The following GRIA1 variants were observed in gnomAD, a reference collection of about 807,000 sequenced individuals.
The protein encoded by GRIA1 is glutamate ionotropic receptor AMPA type subunit 1, also known as glutamate receptor 1.
GRIA1 carries 31 observed loss-of-function variants against 99.2 expected under a neutral mutation model. The ratio of observed to expected loss-of-function variants is 0.31; its 90% CI spans 0.23 to 0.42. The LOEUF (loss-of-function observed/expected upper bound fraction) is 0.42. GRIA1 is among the 10% of genes least tolerant of loss of function. The probability of loss-of-function intolerance (pLI) is 1.00; values close to 1 mark genes in which losing one functional copy is unlikely to be tolerated. For missense variants in GRIA1, 782 were observed against 1,157.5 expected (o/e 0.68, Z 4.71); for synonymous variants, 438 against 432.4 (o/e 1.01, Z -0.16).
At chr5:153,809,144 A>G (rs1356668791) in intron 15 of GRIA1, among the ~76,000 whole-genome samples, 1 of 152,248 alleles carries the variant, frequency 6.6e-6, no homozygotes, top group Non-Finnish European at 1.5e-5. Context: ...TAATCTATAG[A>G]AGTTTCCATA....
chr5:153,646,881 C>A (rs1405677393), intron 2 of GRIA1, 47 bp from the exon 3 acceptor site: 1 of 1,600,488 alleles, frequency 6.2e-7, no homozygotes, highest in South Asian at 1.1e-5. Context: ...AGTCATCTGA[C>A]CACTTTTTGC....
At chr5:153,614,548 G>T (rs1325848452) in intron 2 of GRIA1, among the ~76,000 whole-genome samples, 1 of 152,200 alleles carries the variant, frequency 6.6e-6, no homozygotes, top group Non-Finnish European at 1.5e-5. Flanking sequence ...TGGCTGGAAA[G>T]TGGCAGAGTT....
intron 2 of GRIA1, among the ~76,000 whole-genome samples, chr5:153,636,268 A>T (rs946997995): frequency 5.3e-5 from 8 of 152,268 alleles, no homozygotes; most frequent in Non-Finnish European, 1.2e-4. Context: ...ACAGAAAATG[A>T]ATGTAGGAGA....
rs554574804 is a variant in GRIA1, at chr5:153,645,303, C to T, written c.221-1625C>T. 2.6e-5 allele frequency among the ~76,000 whole-genome samples: 4 copies of T among 152,170 alleles called. No homozygotes were observed. In the East Asian group the frequency reaches 7.8e-4, roughly 30 times the overall value. ...ATGCTGGTTTTCAGTGGGAGTAGGACAGATGGGTTATATGGTTCAGCTGCA... is the reference window on the plus strand; with the variant it reads ...ATGCTGGTTTTCAGTGGGAGTAGGATAGATGGGTTATATGGTTCAGCTGCA... On this transcript the variant is annotated intron_variant, in intron 2 of 15. Transcript: ENST00000285900.
intron 2 of GRIA1, chr5:153,525,417 A>G: frequency 6.6e-6 from 1 of 152,068 alleles, no homozygotes; most frequent in East Asian, 1.9e-4. Context: ...ACCTCATTCT[A>G]TTTTTTGTAC....
chr5:153,802,321 C>T (rs938002364), intron 14 of GRIA1, 35 bp from the exon 15 acceptor site: 2 of 1,607,188 alleles, frequency 1.2e-6, no homozygotes, highest in African/African-American at 1.3e-5. Context: ...CTTTATTCTT[C>T]CCCCTCCCCT....
At chr5:153,675,569 G>A (rs1176739285) in intron 6 of GRIA1, among the ~76,000 whole-genome samples, 1 of 152,202 alleles carries the variant, frequency 6.6e-6, no homozygotes, top group Non-Finnish European at 1.5e-5. Context: ...GGCCAAGTTT[G>A]TTTATCTGGA....
intron 2 of GRIA1, among the ~76,000 whole-genome samples, chr5:153,645,710 T>C (rs1285571156): frequency 6.6e-6 from 1 of 152,150 alleles, no homozygotes; most frequent in African/African-American, 2.4e-5. Flanking sequence ...ATACTGTAAT[T>C]TGAGATCCCA....
At chr5:153,722,936 T>C (rs1402364000) in intron 11 of GRIA1, among the ~76,000 whole-genome samples, 2 of 152,158 alleles carry the variant, frequency 1.3e-5, no homozygotes, top group Non-Finnish European at 2.9e-5. Context: ...TTCTGAACAG[T>C]TTCACACCTA....
chr5:153,720,310 A>G (rs1050232181), intron 11 of GRIA1, among the ~76,000 whole-genome samples: 1 of 152,226 alleles, frequency 6.6e-6, no homozygotes, highest in African/African-American at 2.4e-5. Flanking sequence ...AACACCTTTC[A>G]GGTTATGTAG....
chr5:153,505,049 G>A (rs755320942), intron 2 of GRIA1, among the ~76,000 whole-genome samples: 16 of 152,158 alleles, frequency 1.1e-4, no homozygotes, highest in Non-Finnish European at 2.4e-4. Context: ...GACAGGGAGA[G>A]CCAGGATCAA....
intron 11 of GRIA1, among the ~76,000 whole-genome samples, chr5:153,751,098 C>CA (rs921023896): frequency 2.6e-5 from 4 of 151,518 alleles, no homozygotes; most frequent in African/African-American, 7.3e-5. Context: ...GAGACTCTGT[C>CA]AAAAAAAAGA....
At chr5:153,709,075 C>A (rs1759123618) in intron 11 of GRIA1, among the ~76,000 whole-genome samples, 1 of 152,188 alleles carries the variant, frequency 6.6e-6, no homozygotes, top group Non-Finnish European at 1.5e-5. Context: ...GACAAAAACA[C>A]AAGGATGCTA....
intron 5 of GRIA1, 57 bp downstream of exon 5, chr5:153,655,929 C>G (rs1478532015): frequency 4.1e-6 from 6 of 1,458,116 alleles, no homozygotes; most frequent in Non-Finnish European, 5.8e-6. Flanking sequence ...GGGGCCCTAC[C>G]TTGCTTCTGT....
chr5:153,787,806 T>A (rs1765060483), intron 13 of GRIA1, among the ~76,000 whole-genome samples: 1 of 152,106 alleles, frequency 6.6e-6, no homozygotes, highest in Admixed American at 6.5e-5. Flanking sequence ...CTTGGACATC[T>A]AACAGGCATC....
chr5:153,764,185 G>T (rs1472438299), intron 11 of GRIA1, among the ~76,000 whole-genome samples: 1 of 152,186 alleles, frequency 6.6e-6, no homozygotes, highest in African/African-American at 2.4e-5. Context: ...AAAAGGGAGT[G>T]TGAATACGTG....
chr5:153,514,260 T>C (rs1193494647), intron 2 of GRIA1, among the ~76,000 whole-genome samples: 1 of 152,244 alleles, frequency 6.6e-6, no homozygotes, highest in Non-Finnish European at 1.5e-5. Context: ...AAGAAATCAT[T>C]ATCCAGACCA....
At chr5:153,660,030 G>T (rs915905249) in intron 5 of GRIA1, among the ~76,000 whole-genome samples, 1 of 152,128 alleles carries the variant, frequency 6.6e-6, no homozygotes, top group Non-Finnish European at 1.5e-5. Context: ...AGTAAACAAG[G>T]TGGAATTCAT....
chr5:153,736,221 A>G (rs1359544459), intron 11 of GRIA1, among the ~76,000 whole-genome samples: 1 of 152,200 alleles, frequency 6.6e-6, no homozygotes, highest in African/African-American at 2.4e-5. Context: ...AAGTTAAAGG[A>G]GTGTATCAAA....
Sources: gnomAD v4.1 joint callset for allele counts (sites outside exome capture counted in the v4.1 genomes callset) on GRCh38, gnomAD v4.1.1 for gene constraint, MANE v1.5 for transcripts, NCBI Gene and HGNC (gene_info 2026-07-23, HGNC 2026-07-21) for gene names.